Variants in RYR2 observed in about 807,000 individuals in gnomAD.
The protein encoded by RYR2 is cardiac muscle ryanodine receptor-calcium release channel.
A neutral mutation model predicts 601.1 loss-of-function variants in RYR2; 227 were observed. That is an observed-to-expected ratio of 0.38 (90% confidence interval 0.34 to 0.42). The LOEUF (loss-of-function observed/expected upper bound fraction) is 0.42. Ranked by LOEUF, RYR2 falls within the 10% of genes least tolerant of loss-of-function variation. The pLI is 1.00. For missense variants in RYR2, 4,646 were observed against 6,156.5 expected (o/e 0.75, Z 8.21); for synonymous variants, 2,223 against 2,175.1 (o/e 1.02, Z -0.61).
intron 2 of RYR2, among the ~76,000 whole-genome samples, chr1:237,314,019 C>A (rs1417828187): frequency 9.9e-6 from 1 of 101,152 alleles, no homozygotes; most frequent in Admixed American, 1.1e-4. Context: ...AATTTAGAAA[C>A]TCAGCAAAAA....
intron 1 of RYR2, chr1:237,267,518 TC>T: frequency 4.7e-6 from 1 of 212,838 alleles, no homozygotes; most frequent in Middle Eastern, 1.4e-3. Context: ...AGACTCTGCC[TC>T]AAGAAAAGAA....
intron 12 of RYR2, among the ~76,000 whole-genome samples, chr1:237,428,298 A>C (rs1706410300): frequency 6.6e-6 from 1 of 152,214 alleles, no homozygotes; most frequent in Non-Finnish European, 1.5e-5. Context: ...AGATATACAT[A>C]TACCTGTTTA....
chr1:237,795,852 A>ATATATATATC (rs1341883774), intron 96 of RYR2, among the ~76,000 whole-genome samples: 3 of 119,750 alleles, frequency 2.5e-5, no homozygotes, highest in Non-Finnish European at 5.1e-5. Context: ...ATATATATGT[A>ATATATATATC]TATGTATATA....
intron 45 of RYR2, 120 bp from the exon 46 acceptor site, chr1:237,638,895 A>G: frequency 8.4e-7 from 1 of 1,188,004 alleles, no homozygotes; most frequent in Non-Finnish European, 1.2e-6. Context: ...TTTTGGCTTT[A>G]TTAGTATATT....
At chr1:237,259,152 A>G (rs965689404) in intron 1 of RYR2, among the ~76,000 whole-genome samples, 7 of 152,116 alleles carry the variant, frequency 4.6e-5, no homozygotes, top group East Asian at 1.9e-4. Context: ...AAACTTTTGC[A>G]TAAGAGTCAT....
At chr1:237,432,097 G>GCT (rs765226578) in intron 12 of RYR2, among the ~76,000 whole-genome samples, 1 of 142,790 alleles carries the variant, frequency 7.0e-6, no homozygotes, top group African/African-American at 2.9e-5. Context: ...TTAGCAAATG[G>GCT]TCTTTTTTTT....
chr1:237,157,482 T>C (rs1052505084), intron 1 of RYR2, among the ~76,000 whole-genome samples: 1 of 152,062 alleles, frequency 6.6e-6, no homozygotes, highest in Non-Finnish European at 1.5e-5. Flanking sequence ...ATGGAATCAG[T>C]CTAAGTGTCC....
At chr1:237,355,927 G>T (rs778287684) in intron 3 of RYR2, 38 bp from the exon 4 acceptor site, 2 of 1,564,652 alleles carry the variant, frequency 1.3e-6, no homozygotes, top group Non-Finnish European at 1.7e-6. Context: ...CTAGGTATTT[G>T]TTTGTTTGTT....
intron 1 of RYR2, among the ~76,000 whole-genome samples, chr1:237,214,135 G>A (rs1207873738): frequency 6.6e-6 from 1 of 151,694 alleles, no homozygotes; most frequent in East Asian, 1.9e-4. Flanking sequence ...TGGCCAGGCT[G>A]GTCTTGAACT....
At chr1:237,691,325 G>C (rs550296465) in intron 63 of RYR2, among the ~76,000 whole-genome samples, 5 of 152,220 alleles carry the variant, frequency 3.3e-5, no homozygotes, top group African/African-American at 1.2e-4. Flanking sequence ...AGAAAGTGGA[G>C]ACAGGACAGG....
intron 3 of RYR2, among the ~76,000 whole-genome samples, chr1:237,341,983 G>T (rs183016803): frequency 2.8e-4 from 43 of 152,258 alleles, no homozygotes; most frequent in African/African-American, 9.1e-4. Flanking sequence ...CAGTCTGGAT[G>T]AGAAATTACA....
At position 237,319,541 on chromosome 1, in the gene RYR2, G is replaced by A. The variant is rs530686129; in HGVS notation, c.169-11337G>A. ...CTCTCCTTGATGGGTGGCCAATAAC[G>A]TCATTGCTTAATGTTTTAAAAAAAT... On this transcript the variant is annotated intron_variant, in intron 2 of 104. Coordinates refer to ENST00000366574, the MANE Select transcript of RYR2 (RefSeq NM_001035.3). Among the ~76,000 whole-genome samples the A allele has an allele frequency of 6.2e-4, 95 of 152,060 alleles. No individual in the cohort carries two copies. In the Middle Eastern group the frequency reaches 0.01, roughly 16 times the overall value.
chr1:237,664,191 A>G lies in RYR2; in HGVS notation c.8437-2321A>G, dbSNP rs575397733. ...ATAACCCGGAAGGGGAATGGAGATT[A>G]GAATGAAACTTTTGGAATGTGTTTC... On this transcript the variant is annotated intron_variant, in intron 56 of 104. Coordinates refer to ENST00000366574, the MANE Select transcript of RYR2 (RefSeq NM_001035.3). 7.9e-5 allele frequency among the ~76,000 whole-genome samples: 12 copies of G among 152,366 alleles called. No homozygotes were observed. The East Asian group carries it at 2.3e-3, about 29-fold the overall frequency.
chr1:237,786,266 A>G (rs1230443122), intron 91 of RYR2, among the ~76,000 whole-genome samples: 2 of 152,142 alleles, frequency 1.3e-5, no homozygotes, highest in East Asian at 1.9e-4. Flanking sequence ...CTCTCATTCC[A>G]TGGGGACCTC....
chr1:237,205,025 C>T (rs899204234), intron 1 of RYR2, among the ~76,000 whole-genome samples: 1 of 152,170 alleles, frequency 6.6e-6, no homozygotes, highest in African/African-American at 2.4e-5. Flanking sequence ...TGGCATGGTC[C>T]TGCTTTGACC....
chr1:237,134,527 C>A (rs1013306417), intron 1 of RYR2, among the ~76,000 whole-genome samples: 2 of 152,094 alleles, frequency 1.3e-5, no homozygotes, highest in African/African-American at 2.4e-5. Flanking sequence ...ACAAGAACAG[C>A]ATGGGAAAGA....
intron 27 of RYR2, among the ~76,000 whole-genome samples, chr1:237,553,743 G>A (rs1331427124): frequency 1.1e-5 from 1 of 89,594 alleles, no homozygotes; most frequent in Non-Finnish European, 2.4e-5. Context: ...TCAGACTAGA[G>A]GTCTTATACA....
chr1:237,569,403 GT>G (rs1056132957), intron 29 of RYR2, 84 bp downstream of exon 29: 1 of 1,360,010 alleles, frequency 7.4e-7, no homozygotes, highest in African/African-American at 1.4e-5. Flanking sequence ...GGGCGTTTCT[GT>G]TTCAGGGTGA....
chr1:237,096,172 C>T (rs1448785841), intron 1 of RYR2, among the ~76,000 whole-genome samples: 1 of 152,196 alleles, frequency 6.6e-6, no homozygotes. Context: ...CGTCCTTCAA[C>T]AGAAGAGGCC....
Sources: gnomAD v4.1 joint callset for allele counts (sites outside exome capture counted in the v4.1 genomes callset) on GRCh38, gnomAD v4.1.1 for gene constraint, MANE v1.5 for transcripts, NCBI Gene and HGNC (gene_info 2026-07-23, HGNC 2026-07-21) for gene names.